The following SPPL3 variants were observed in gnomAD, a reference collection of about 807,000 sequenced individuals.
SPPL3 encodes signal peptide peptidase like 3.
A neutral mutation model predicts 42.4 loss-of-function variants in SPPL3; 5 were observed. That is an observed-to-expected ratio of 0.12 (90% confidence interval 0.06 to 0.25). The LOEUF (loss-of-function observed/expected upper bound fraction) is 0.25, where lower values mean the gene tolerates loss of function less well. Ranked by LOEUF, SPPL3 falls within the 10% of genes least tolerant of loss-of-function variation. SPPL3 has a pLI of 1.00. For missense variants in SPPL3, 235 were observed against 489.0 expected, an observed-to-expected ratio of 0.48 and a Z score of 4.90; for synonymous variants, 195 against 181.8, an observed-to-expected ratio of 1.07 and a Z score of -0.58.
chr12:120,815,932 G>A (rs751623496), intron 1 of SPPL3, among the ~76,000 whole-genome samples: 16 of 152,026 alleles, frequency 1.1e-4, no homozygotes, highest in South Asian at 6.2e-4. Context: ...GTTTTGTCAC[G>A]TTGCCCAGGC....
intron 3 of SPPL3, among the ~76,000 whole-genome samples, chr12:120,786,858 ACAAAGCAAAACTGAG>A (rs1869738300): frequency 6.6e-6 from 1 of 152,248 alleles, no homozygotes; most frequent in Non-Finnish European, 1.5e-5. Context: ...TAACTTAAAA[ACAAAGCAAAACTGAG>A]CAAAGCAAAA....
chr12:120,809,940 CTACT>C (rs1870628086), intron 2 of SPPL3, among the ~76,000 whole-genome samples: 1 of 151,954 alleles, frequency 6.6e-6, no homozygotes, highest in African/African-American at 2.4e-5. Context: ...AGGACATAAT[CTACT>C]TACTTACAAG....
chr12:120,836,069 C>G (rs1016701326), intron 1 of SPPL3, among the ~76,000 whole-genome samples: 5 of 152,070 alleles, frequency 3.3e-5, no homozygotes, highest in Non-Finnish European at 7.4e-5. Flanking sequence ...CAAGCAGACC[C>G]ATGTGCCATC....
chr12:120,781,356 C>A lies in SPPL3; in HGVS notation c.502+1299G>T, dbSNP rs1869529821. Among the ~76,000 whole-genome samples the A allele has an allele frequency of 2.0e-5, 3 of 151,876 alleles. No homozygotes were observed. In the South Asian group the frequency reaches 6.3e-4, roughly 32 times the overall value. Reference sequence around the variant, plus strand: ...CATGTCTAGGTATTCATCCTTAATACTCTGGAGTTATTAAAAAGGATATGA... The same window carrying A: ...CATGTCTAGGTATTCATCCTTAATAATCTGGAGTTATTAAAAAGGATATGA... On this transcript the variant is annotated intron_variant, in intron 6 of 10. Coordinates refer to ENST00000353487, the MANE Select transcript of SPPL3 (RefSeq NM_139015.5).
At chr12:120,828,835 C>T (rs1287171739) in intron 1 of SPPL3, among the ~76,000 whole-genome samples, 1 of 152,202 alleles carries the variant, frequency 6.6e-6, no homozygotes, top group Non-Finnish European at 1.5e-5. Flanking sequence ...CAGCTCACTA[C>T]AGCTTCGAAC....
At chr12:120,816,095 G>A (rs1207724072) in intron 1 of SPPL3, among the ~76,000 whole-genome samples, 9 of 152,130 alleles carry the variant, frequency 5.9e-5, no homozygotes, top group Non-Finnish European at 1.0e-4. Context: ...CAGCCTCTGA[G>A]GAGCTGTAGC....
chr12:120,804,309 T>C (rs1438999378), intron 2 of SPPL3, among the ~76,000 whole-genome samples: 2 of 152,090 alleles, frequency 1.3e-5, no homozygotes, highest in Non-Finnish European at 2.9e-5. Flanking sequence ...ATAACAATTA[T>C]AAGCATACAG....
rs1206098497 is a variant in SPPL3, at chr12:120,904,185, G to T, written c.-318C>A. On this transcript the variant is annotated 5_prime_UTR_variant, in exon 1 of 11. Coordinates refer to ENST00000353487, the MANE Select transcript of SPPL3 (RefSeq NM_139015.5). ...GGCGCGGAGAACAAGGGGGCCCTGG[G>T]GCGGGCGAACGGCAAGACGGGCCCG... 1 of 262,060 alleles carries T rather than the reference G, an allele frequency of 3.8e-6. No individual in the cohort carries two copies. Among genetic ancestry groups the T allele is most frequent in the East Asian group, 7.1e-5 (1 of 14,014 alleles). 16.2% of individuals were successfully genotyped at this position (262,060 alleles called of 1,614,324 possible). A position where few individuals can be genotyped will look rare whatever the true frequency, so the allele number is the denominator to read the frequency against.
chr12:120,844,027 T>C (rs1871932579), intron 1 of SPPL3, among the ~76,000 whole-genome samples: 1 of 152,182 alleles, frequency 6.6e-6, no homozygotes. Flanking sequence ...TGCTTAATCA[T>C]AAACCTACAC....
chr12:120,894,218 G>A (rs1873730164), intron 1 of SPPL3, among the ~76,000 whole-genome samples: 1 of 152,146 alleles, frequency 6.6e-6, no homozygotes, highest in Non-Finnish European at 1.5e-5. Context: ...CAGCTACTCG[G>A]GAAGCTGAGG....
At chr12:120,901,406 C>T (rs1873977385) in intron 1 of SPPL3, among the ~76,000 whole-genome samples, 1 of 151,734 alleles carries the variant, frequency 6.6e-6, no homozygotes, top group Non-Finnish European at 1.5e-5. Flanking sequence ...GCCTGGCCAA[C>T]ATGGTGAAAC....
rs536819605 is a variant in SPPL3 at position 120,844,635 on chromosome 12, C to T, written c.24-33749G>A. The stretch of plus-strand genomic sequence containing the variant: ...CTTTTTAATACCCAACTCATTCCCA[C>T]CGTAGGACTATTCCCTCTGCTTAGA... On this transcript the variant is annotated intron_variant, in intron 1 of 10. Transcript: ENST00000353487. Among the ~76,000 whole-genome samples, 4 of 152,286 alleles carry T rather than the reference C, an allele frequency of 2.6e-5. No homozygotes were observed. The South Asian group carries it at 8.3e-4, about 32-fold the overall frequency.
At chr12:120,767,361 G>T in intron 9 of SPPL3, 33 bp downstream of exon 9, 1 of 1,598,162 alleles carries the variant, frequency 6.3e-7, no homozygotes. Flanking sequence ...CAGCCAGAGC[G>T]AGGATCATCT....
chr12:120,768,761 C>A (rs1033509828), intron 7 of SPPL3, 192 bp downstream of exon 7: 1 of 634,132 alleles, frequency 1.6e-6, no homozygotes. Flanking sequence ...CACACACACA[C>A]TACCTACTGT....
intron 1 of SPPL3, among the ~76,000 whole-genome samples, chr12:120,855,848 T>C (rs1463803830): frequency 2.0e-5 from 3 of 152,188 alleles, no homozygotes; most frequent in South Asian, 2.1e-4. Flanking sequence ...CAGAGCCACA[T>C]GGGGTGGTCT....
intron 1 of SPPL3, among the ~76,000 whole-genome samples, chr12:120,829,313 T>G (rs562997051): frequency 2.2e-4 from 34 of 152,250 alleles, no homozygotes; most frequent in Admixed American, 3.3e-4. Flanking sequence ...AGCTGCTCTT[T>G]GGCTGGGTAC....
At chr12:120,797,522 T>C (rs1250804239) in intron 2 of SPPL3, among the ~76,000 whole-genome samples, 1 of 152,168 alleles carries the variant, frequency 6.6e-6, no homozygotes, top group Non-Finnish European at 1.5e-5. Flanking sequence ...GTTTTTAAAG[T>C]TGTTTCATGT....
intron 1 of SPPL3, 69 bp from the exon 2 acceptor site, chr12:120,810,955 G>GT (rs1342401426): frequency 1.7e-6 from 2 of 1,174,768 alleles, no homozygotes; most frequent in South Asian, 1.3e-5. Context: ...CAGTCTAATG[G>GT]AGTTCTATAA....
intron 1 of SPPL3, among the ~76,000 whole-genome samples, chr12:120,897,841 TACA>T (rs909321110): frequency 2.0e-5 from 3 of 152,310 alleles, no homozygotes; most frequent in African/African-American, 7.2e-5. Context: ...TCATACCAGA[TACA>T]ACAACACACA....
Sources: gnomAD v4.1 joint callset for allele counts (sites outside exome capture counted in the v4.1 genomes callset) on GRCh38, gnomAD v4.1.1 for gene constraint, MANE v1.5 for transcripts, NCBI Gene and HGNC (gene_info 2026-07-23, HGNC 2026-07-21) for gene names.